ABCA2: variants seen among roughly 807,000 people sequenced by gnomAD.
The protein encoded by ABCA2 is ATP binding cassette subfamily A member 2, also known as ATP-binding cassette sub-family A member 2.
In ABCA2, 84 loss-of-function variants were observed where a neutral mutation model predicts 262.8. The ratio of observed to expected loss-of-function variants is 0.32; its 90% confidence interval spans 0.27 to 0.38. The LOEUF (loss-of-function observed/expected upper bound fraction) is 0.38. Ranked by LOEUF, ABCA2 falls within the 10% of genes least tolerant of loss-of-function variation. The pLI, the probability that ABCA2 is intolerant of heterozygous loss-of-function variation, is 1.00. For missense variants in ABCA2, 2,662 were observed against 3,405.9 expected (o/e 0.78, Z 5.44); for synonymous variants, 1,696 against 1,502.9 (o/e 1.13, Z -2.97).
At chr9:137,009,216 G>A in intron 45 of ABCA2, 154 bp downstream of exon 45, 1 of 761,856 alleles carries the variant, frequency 1.3e-6, no homozygotes, top group Non-Finnish European at 2.0e-6. Flanking sequence ...CTCCTCCCCT[G>A]GCCCCACTGC....
chr9:137,020,366 C>T lies in ABCA2; in HGVS notation c.1395G>A (p.Ala465=), dbSNP rs371526624. 2.9e-5 allele frequency: 46 copies of T among 1,612,990 alleles called. No individual in the cohort carries two copies. The highest frequency in any genetic ancestry group is 1.7e-4 in the Middle Eastern group (1 of 6,032). Residue 465 remains alanine, a synonymous_variant, in exon 10 of 49, where the codon GCG becomes GCA. Coordinates refer to ENST00000341511, the MANE Select transcript of ABCA2 (RefSeq NM_001606.5). ...TSNPKILYAP[A]GSEVDRVILK... is the part of the protein sequence containing the mutation. Reference sequence around the variant, plus strand: ...GGATGACGCGGTCGACCTCAGAGCCCGCAGGCGCGTACAGGATTTTGGGGT... The same window carrying T: ...GGATGACGCGGTCGACCTCAGAGCCTGCAGGCGCGTACAGGATTTTGGGGT...
At chr9:137,028,295 C>G (rs1021458487), upstream of ABCA2, 26 of 976,030 alleles carry the variant, frequency 2.7e-5, no homozygotes, top group Admixed American at 1.5e-3. The surrounding 1 kb of genome is among the most constrained non-coding windows in gnomAD (Gnocchi z 6.9). Context: ...CCCCGGCGGC[C>G]GCGGCGACAG....
intron 29 of ABCA2, 71 bp from the exon 30 acceptor site, chr9:137,013,389 CT>C: frequency 6.5e-7 from 1 of 1,527,472 alleles, no homozygotes; most frequent in Non-Finnish European, 8.8e-7. Context: ...CCTCGCCCGC[CT>C]GGCCCACCAA....
chr9:137,023,955 C>T (rs1170074655), intron 2 of ABCA2, 115 bp from the exon 3 acceptor site: 78 of 1,481,258 alleles, frequency 5.3e-5, no homozygotes, highest in Middle Eastern at 1.7e-4. Flanking sequence ...TCATCATTCG[C>T]GGCCACAGGC....
chr9:137,014,812 T>G lies in ABCA2; in HGVS notation c.3883-2A>C. 1 of 1,598,934 alleles carries G rather than the reference T, an allele frequency of 6.3e-7. No individual in the cohort carries two copies. The highest frequency in any genetic ancestry group is 8.5e-7 in the Non-Finnish European group (1 of 1,173,808). On this transcript the variant is annotated splice_acceptor_variant, in intron 25 of 48. Coordinates refer to ENST00000341511, the MANE Select transcript of ABCA2 (RefSeq NM_001606.5). LOFTEE classifies it high-confidence loss of function. ...TGCATCCAGGCTGCGCTCCAGGTGC[T>G]GCAGGGGCGGTGGAGGGGGAGGCTG...
Position 137,012,504 on chromosome 9 carries a change from G to A in ABCA2, c.5168C>T (p.Ala1723Val), listed in dbSNP as rs1564215196. 2.5e-6 allele frequency: 4 copies of A among 1,611,660 alleles called. No homozygotes were observed. Among genetic ancestry groups the A allele is most frequent in the East Asian group, 2.2e-5 (1 of 44,862 alleles). Reference sequence around the variant, plus strand: ...GCTCACCTGGGCAGCCCTGCGCACCGCGATCTTCCGCACCATGGGTGGGGC... The same window carrying A: ...GCTCACCTGGGCAGCCCTGCGCACCACGATCTTCCGCACCATGGGTGGGGC... ...TRAPPMVRKI[A>V]VRRAAQVFYN... The change falls in exon 32 of 49, where the codon GCG (alanine) becomes GTG (valine). Residue 1723 changes from alanine to valine, a missense_variant. Physicochemically the swap from Ala to Val is moderately conservative, Grantham distance 64 (BLOSUM62 0). Transcript: ENST00000341511.
chr9:137,021,792 C>T lies in ABCA2; in HGVS notation c.678+99G>A, dbSNP rs538823776. On this transcript the variant is annotated intron_variant, in intron 7 of 48. Coordinates refer to ENST00000341511, the MANE Select transcript of ABCA2 (RefSeq NM_001606.5). The surrounding 1 kb of genome is among the most constrained non-coding windows in gnomAD (Gnocchi z 6.0). Reference sequence around the variant, plus strand: ...GACCCTCCCCCTCTCCCAGGAGGAGCTCCAAGTCACCAAAGGGGCCCTTTC... The same window carrying T: ...GACCCTCCCCCTCTCCCAGGAGGAGTTCCAAGTCACCAAAGGGGCCCTTTC... 4.1e-3 allele frequency: 5,414 copies of T among 1,307,342 alleles called. 14 individuals carry two copies. Among genetic ancestry groups the T allele is most frequent in the Non-Finnish European group, 5.4e-3 (5,019 of 931,960 alleles). The allele number at this position is 1,307,342 out of a possible 1,614,324, so 81.0% of individuals were successfully genotyped here. A position where few individuals can be genotyped will look rare whatever the true frequency, so the allele number is the denominator to read the frequency against.
rs767405665 is a variant in ABCA2 at position 137,016,780 on chromosome 9, G to A, written c.2759-42C>T. On this transcript the variant is annotated intron_variant, in intron 19 of 48. Coordinates refer to ENST00000341511, the MANE Select transcript of ABCA2 (RefSeq NM_001606.5). ...GGAGGGGAGGCTGACCTAGGGCCTG[G>A]GGTGACCATCCACCACGTGGGCCAC... is the stretch of plus-strand genomic sequence containing the variant. The A allele has an allele frequency of 7.1e-6, 11 of 1,542,372 alleles. No homozygotes were observed. The African/African-American group carries it at 1.5e-4, about 21-fold the overall frequency.
chr9:137,027,936 G>T (rs913915151), intron 1 of ABCA2, 139 bp downstream of exon 1: 9 of 246,636 alleles, frequency 3.6e-5, no homozygotes, highest in Non-Finnish European at 5.7e-5. Context: ...CGGCGGGGAG[G>T]GGGCTCGGGC....
chr9:137,022,645 G>C (rs180802449), intron 5 of ABCA2, 57 bp downstream of exon 5: 17 of 1,576,038 alleles, frequency 1.1e-5, no homozygotes, highest in Middle Eastern at 2.0e-4. Context: ...CTTCAGCCCA[G>C]TGACAGCAGA....
Position 137,019,025 on chromosome 9 carries a change from G to T in ABCA2, c.1600C>A (p.Leu534Met), listed in dbSNP as rs752002469. 1.2e-6 allele frequency: 2 copies of T among 1,612,782 alleles called. No individual in the cohort carries two copies. Among genetic ancestry groups the T allele is most frequent in the East Asian group, 4.5e-5 (2 of 44,872 alleles). Reference protein sequence around the residue: ...RLHPEALNLSLDELPPALRQD... With the variant: ...RLHPEALNLSMDELPPALRQD... ...CTCAGGGCCGGCGGCAGCTCATCCA[G>T]TGACAGGTTCAGTGCCTCGGGGTGC... The change falls in exon 12 of 49, where the codon CTG (leucine) becomes ATG (methionine). Residue 534 changes from leucine (L) to methionine (M), a missense_variant. Around this residue, in one of 12 missense-constraint regions of ABCA2, gnomAD observed 187 missense variants for 205.9 expected, o/e 0.91. Transcript: ENST00000341511. The surrounding 1 kb of genome is among the most constrained non-coding windows in gnomAD (Gnocchi z 4.4).
At chr9:137,009,248 G>C (rs1444985137) in intron 45 of ABCA2, 122 bp downstream of exon 45, 2 of 612,442 alleles carry the variant, frequency 3.3e-6, no homozygotes, top group Non-Finnish European at 5.2e-6. Flanking sequence ...CAGCCCCAGT[G>C]CCCCCAGCCC....
At position 137,014,704 on chromosome 9, in the gene ABCA2, T is replaced by C; in HGVS notation, c.3989A>G (p.Glu1330Gly). 6.2e-7 allele frequency: 1 copy of C among 1,606,654 alleles called. No individual in the cohort carries two copies. The highest frequency in any genetic ancestry group is 8.5e-7 in the Non-Finnish European group (1 of 1,177,820). ...AGGCCCCTCACCGGCCTCACTGTTC[T>C]CCAGCGACTGATCCTCCTCCGACAC... ...LKVSEEDQSL[E>G]NSEADVKESR... The change falls in exon 26 of 49, where the codon GAG becomes GGG. Residue 1330 changes from glutamate to glycine, a missense_variant. Glu to Gly is a moderately conservative substitution (Grantham distance 98). Coordinates refer to ENST00000341511, the MANE Select transcript of ABCA2 (RefSeq NM_001606.5).
In ABCA2 at chr9:137,012,178, C is replaced by CG; in HGVS notation, c.5300-17dup. 3 of 1,610,614 alleles carry CG rather than the reference C, an allele frequency of 1.9e-6. No individual in the cohort carries two copies. Among genetic ancestry groups the CG allele is most frequent in the Non-Finnish European group, 2.5e-6 (3 of 1,179,482 alleles). ...ACGGTGATGCCTGCACACGGCGGGG[C>CG]GGGGGCGGCAGCTTCAGGCCCCAGC... On this transcript the variant is annotated splice_polypyrimidine_tract_variant and intron_variant, in intron 33 of 48. Transcript: ENST00000341511.
intron 31 of ABCA2, 51 bp from the exon 32 acceptor site, chr9:137,012,641 G>C (rs1425823987): frequency 1.2e-6 from 2 of 1,610,154 alleles, no homozygotes; most frequent in Non-Finnish European, 8.5e-7. Context: ...AGTGAGGCTA[G>C]AGGGGCAGGA....
intron 45 of ABCA2, 150 bp downstream of exon 45, chr9:137,009,220 C>T (rs1329633209): frequency 2.7e-5 from 23 of 860,598 alleles, no homozygotes; most frequent in Non-Finnish European, 4.0e-5. Context: ...TCCCCTGGCC[C>T]CACTGCCCCA....
At chr9:137,020,180 TG>T in intron 10 of ABCA2, 155 bp downstream of exon 10, 1 of 933,850 alleles carries the variant, frequency 1.1e-6, no homozygotes, top group Non-Finnish European at 1.6e-6. Flanking sequence ...AGCGACCCCC[TG>T]GTCCCCCACC....
At chr9:137,016,253 T>G in intron 21 of ABCA2, 38 bp downstream of exon 21, 1 of 1,611,756 alleles carries the variant, frequency 6.2e-7, no homozygotes, top group Non-Finnish European at 8.5e-7. Flanking sequence ...CCTGCTCTGG[T>G]CAGCAGATGC....
chr9:137,014,873 C>T, intron 25 of ABCA2, 40 bp downstream of exon 25: 2 of 1,577,270 alleles, frequency 1.3e-6, no homozygotes, highest in Non-Finnish European at 1.7e-6. Flanking sequence ...CGCCCACCTC[C>T]ACCACCTGCA....
Sources: gnomAD v4.1 joint callset for allele counts on GRCh38, gnomAD v4.1.1 for gene constraint, gnomAD v4.1.1 regional missense constraint, Gnocchi (gnomAD v3.1) non-coding constraint, MANE v1.5 for transcripts, NCBI Gene and HGNC (gene_info 2026-07-23, HGNC 2026-07-21) for gene names.